Variants in FAM220A observed in about 807,000 individuals in gnomAD.
FAM220A encodes the protein protein FAM220A.
For synonymous variants in FAM220A, 141 were observed against 130.7 expected (o/e 1.08, Z -0.54); for missense variants, 392 against 321.6 (o/e 1.22, Z -1.68).
chr7:6,348,819 A>C lies in FAM220A; in HGVS notation c.-328T>G, dbSNP rs1011168659. On this transcript the variant is annotated 5_prime_UTR_variant, in exon 1 of 2. Transcript: ENST00000313324. ...CCTCTCCGCGCCGCGTCGCCCCGGC[A>C]GCTGACCCTCGCCTGGCGTGCTCAG... 1.0e-5 allele frequency: 4 copies of C among 394,920 alleles called. No individual in the cohort carries two copies. Among genetic ancestry groups the C allele is most frequent in the Non-Finnish European group, 1.3e-5 (3 of 223,702 alleles). The allele number at this position is 394,920 out of a possible 1,614,324, so 24.5% of individuals were successfully genotyped here. A position where few individuals can be genotyped will look rare whatever the true frequency, so the allele number is the denominator to read the frequency against.
At position 6,337,101 on chromosome 7, in the gene FAM220A, T is replaced by G. The variant is rs183251791; in HGVS notation, c.-81-5866A>C. Reference sequence around the variant, plus strand: ...TTTTTTTTTTTGAGACAAGAGTCTCTCTCTGTCTCGCCCAGGCTGGAGTGC... The same window carrying G: ...TTTTTTTTTTTGAGACAAGAGTCTCGCTCTGTCTCGCCCAGGCTGGAGTGC... On this transcript the variant is annotated intron_variant, in intron 1 of 1. Transcript: ENST00000313324. Among the ~76,000 whole-genome samples, 800 of 150,244 alleles carry G rather than the reference T, an allele frequency of 5.3e-3. 3 individuals carry two copies. Among genetic ancestry groups the G allele is most frequent in the South Asian group, 0.019 (92 of 4,766 alleles).
In FAM220A at chr7:6,330,289, C is replaced by A. The variant is rs1781601999; in HGVS notation, c.*86G>T. The A allele has an allele frequency of 7.7e-7, 1 of 1,299,684 alleles. No individual in the cohort carries two copies. Among genetic ancestry groups the A allele is most frequent in the Admixed American group, 2.3e-5 (1 of 44,350 alleles). 80.5% of individuals were successfully genotyped at this position (1,299,684 alleles called of 1,614,324 possible). ...AACTACAGCAGGAACCTAAGGGCTGCACAGTTTGCATCCAGACTTAATGCG... is the reference window on the plus strand; with the variant it reads ...AACTACAGCAGGAACCTAAGGGCTGAACAGTTTGCATCCAGACTTAATGCG... On this transcript the variant is annotated 3_prime_UTR_variant, in exon 2 of 2. Coordinates refer to ENST00000313324, the MANE Select transcript of FAM220A (RefSeq NM_001037163.2).
intron 1 of FAM220A, among the ~76,000 whole-genome samples, chr7:6,346,091 G>A (rs564111362): frequency 2.0e-5 from 3 of 151,970 alleles, no homozygotes; most frequent in South Asian, 2.1e-4. Context: ...TTAAAAATCC[G>A]GATTGGAAAT....
chr7:6,346,377 T>G (rs968875747), intron 1 of FAM220A, among the ~76,000 whole-genome samples: 2 of 151,922 alleles, frequency 1.3e-5, no homozygotes, highest in African/African-American at 2.4e-5. Context: ...CTCAACTCAT[T>G]TACTTACTTG....
chr7:6,343,939 G>A (rs1246775499), intron 1 of FAM220A, among the ~76,000 whole-genome samples: 8 of 152,072 alleles, frequency 5.3e-5, no homozygotes, highest in Non-Finnish European at 1.0e-4. Context: ...ATGCTGGAGA[G>A]CAGTGGTGGG....
chr7:6,343,196 G>A (rs1195870680), intron 1 of FAM220A, among the ~76,000 whole-genome samples: 2 of 151,174 alleles, frequency 1.3e-5, no homozygotes, highest in Non-Finnish European at 2.9e-5. Context: ...GGCCAACATG[G>A]TGAAGCCCCG....
intron 1 of FAM220A, among the ~76,000 whole-genome samples, chr7:6,339,291 G>A (rs1433630903): frequency 6.6e-6 from 1 of 151,968 alleles, no homozygotes; most frequent in Non-Finnish European, 1.5e-5. Flanking sequence ...AACACAGCAA[G>A]ACCCCCATCT....
intron 1 of FAM220A, among the ~76,000 whole-genome samples, chr7:6,342,791 C>T (rs1249452685): frequency 1.3e-5 from 2 of 151,992 alleles, no homozygotes; most frequent in Non-Finnish European, 2.9e-5. Flanking sequence ...AATCTCAGCA[C>T]TTTGGGAGGC....
intron 1 of FAM220A, among the ~76,000 whole-genome samples, chr7:6,339,285 C>G (rs142002143): frequency 3.3e-5 from 5 of 151,946 alleles, no homozygotes; most frequent in Non-Finnish European, 7.4e-5. Flanking sequence ...CTGAGCAACA[C>G]AGCAAGACCC....
intron 1 of FAM220A, among the ~76,000 whole-genome samples, chr7:6,334,772 G>C (rs951878344): frequency 6.8e-6 from 1 of 146,140 alleles, no homozygotes; most frequent in Non-Finnish European, 1.5e-5. Flanking sequence ...AGCCTGGATA[G>C]TTAGTTAGTT....
Position 6,330,870 on chromosome 7 carries a change from G to A in FAM220A, c.285C>T (p.Ala95=). The part of the protein sequence containing the change: ...YVRESVRRNP[A]SAATPSTAVG... Reference sequence around the variant, plus strand: ...CGGCTGTGCTCGGAGTGGCTGCTGAGGCTGGATTTCTTCTTACTGATTCTC... The same window carrying A: ...CGGCTGTGCTCGGAGTGGCTGCTGAAGCTGGATTTCTTCTTACTGATTCTC... The change falls in exon 2 of 2, where the codon GCC becomes GCT. Residue 95 remains alanine, a synonymous_variant. Transcript: ENST00000313324. The A allele has an allele frequency of 6.8e-6, 11 of 1,614,204 alleles. No homozygotes were observed. The highest frequency in any genetic ancestry group is 9.3e-6 in the Non-Finnish European group (11 of 1,180,040).
chr7:6,333,543 G>A (rs1406703304), intron 1 of FAM220A, among the ~76,000 whole-genome samples: 3 of 152,130 alleles, frequency 2.0e-5, no homozygotes, highest in Non-Finnish European at 4.4e-5. Flanking sequence ...CTGCCTCCCA[G>A]GCTGGAGGAC....
Position 6,330,694 on chromosome 7 carries a change from C to G in FAM220A, c.461G>C (p.Arg154Pro), listed in dbSNP as rs771917863. 5 of 1,613,976 alleles carry G rather than the reference C, an allele frequency of 3.1e-6. No homozygotes were observed. Among genetic ancestry groups the G allele is most frequent in the Non-Finnish European group, 4.2e-6 (5 of 1,180,040 alleles). The change falls in exon 2 of 2, where the codon CGA becomes CCA. Residue 154 changes from arginine (R) to proline (P), a missense_variant. Coordinates refer to ENST00000313324, the MANE Select transcript of FAM220A (RefSeq NM_001037163.2). ...CGGCACTTTTTGATGGCGTGGCAGT[C>G]GTGACACCCGAGGCTCTCCTTTGGG... ...QCPKGEPRVS[R>P]LPRHQKVPEM...
rs1307477775 is a variant in FAM220A at position 6,330,891 on chromosome 7, TTC to T, written c.262_263del (p.Glu88IlefsTer35). The T allele has an allele frequency of 6.2e-7, 1 of 1,614,204 alleles. No individual in the cohort carries two copies. Among genetic ancestry groups the T allele is most frequent in the African/African-American group, 1.3e-5 (1 of 75,066 alleles). On this transcript the variant is annotated frameshift_variant, in exon 2 of 2. Coordinates refer to ENST00000313324, the MANE Select transcript of FAM220A (RefSeq NM_001037163.2). LOFTEE classifies it low-confidence loss of function (END_TRUNC). ...SGGPVLPYVR[E>X]SVRRNPASAA... ...CTGAGGCTGGATTTCTTCTTACTGATTCTCTCACATATGGAAGCACTGGGCCG... is the reference window on the plus strand; with the variant it reads ...CTGAGGCTGGATTTCTTCTTACTGATTCTCACATATGGAAGCACTGGGCCG...
chr7:6,347,899 T>C (rs1463732850), intron 1 of FAM220A, among the ~76,000 whole-genome samples: 1 of 145,370 alleles, frequency 6.9e-6, no homozygotes, highest in Non-Finnish European at 1.5e-5. Flanking sequence ...ATTATTATTA[T>C]TATTATTATT....
chr7:6,347,779 G>A (rs1012279454), intron 1 of FAM220A, among the ~76,000 whole-genome samples: 1 of 151,840 alleles, frequency 6.6e-6, no homozygotes, highest in Non-Finnish European at 1.5e-5. Flanking sequence ...ATGCAGGCCA[G>A]ATGTGGTGGC....
At chr7:6,341,346 G>C (rs1781853711) in intron 1 of FAM220A, among the ~76,000 whole-genome samples, 1 of 151,582 alleles carries the variant, frequency 6.6e-6, no homozygotes, top group Non-Finnish European at 1.5e-5. Flanking sequence ...GGGAGGCTGA[G>C]GCAGGAGAAT....
intron 1 of FAM220A, among the ~76,000 whole-genome samples, chr7:6,346,357 G>A (rs1781951135): frequency 6.6e-6 from 1 of 152,000 alleles, no homozygotes; most frequent in Admixed American, 6.6e-5. Flanking sequence ...AAATAAAGAG[G>A]CCAGTTAATC....
intron 1 of FAM220A, chr7:6,338,735 C>CCTCA (rs1361661968): frequency 2.6e-5 from 4 of 152,356 alleles, no homozygotes; most frequent in Non-Finnish European, 5.9e-5. Context: ...GTGCCTGTAC[C>CCTCA]CTCACCTTCC....
Sources: allele counts gnomAD v4.1 joint callset (sites outside exome capture counted in the v4.1 genomes callset), GRCh38; gene constraint gnomAD v4.1.1; transcripts MANE v1.5; gene names NCBI Gene and HGNC (gene_info 2026-07-23, HGNC 2026-07-21).